Variants in TOX2 observed in about 807,000 individuals in gnomAD.
TOX2 encodes TOX high mobility group box family member 2.
TOX2 carries 15 observed loss-of-function variants against 47.4 expected under a neutral mutation model. The ratio of observed to expected loss-of-function variants is 0.32; its 90% CI spans 0.21 to 0.49. TOX2 has a LOEUF of 0.49. TOX2 is among the 20% of genes least tolerant of loss of function. TOX2 has a pLI of 0.99. For missense variants in TOX2, 622 were observed against 673.1 expected (o/e 0.92, Z 0.84); for synonymous variants, 290 against 296.6 (o/e 0.98, Z 0.23).
chr20:43,969,701 G>A (rs1183820610), intron 1 of TOX2, among the ~76,000 whole-genome samples: 2 of 152,250 alleles, frequency 1.3e-5, no homozygotes, highest in Non-Finnish European at 2.9e-5. Flanking sequence ...AGCTGGTTCT[G>A]AGCCCAGCAG....
intron 3 of TOX2, among the ~76,000 whole-genome samples, chr20:44,023,558 A>T (rs954475991): frequency 2.6e-5 from 4 of 151,958 alleles, no homozygotes; most frequent in Admixed American, 2.6e-4. Context: ...GCCAATGGGG[A>T]GTCCTCAAAC....
intron 1 of TOX2, among the ~76,000 whole-genome samples, chr20:43,952,116 T>C (rs906951344): frequency 2.6e-4 from 40 of 151,984 alleles, no homozygotes; most frequent in Non-Finnish European, 3.2e-4. Flanking sequence ...TTAGCCAGGA[T>C]GGTCTCGATC....
rs185748006 is a variant in TOX2, at chr20:43,994,066, G to A, written c.166-12481G>A. Among the ~76,000 whole-genome samples, 7 of 152,176 alleles carry A rather than the reference G, an allele frequency of 4.6e-5. No homozygotes were observed. The East Asian group carries it at 1.2e-3, about 25-fold the overall frequency. ...CCTTGGGTGTCTCAGGTGGAAGATC[G>A]CTTGAATCCGGGAGATTGAGGCTGC... On this transcript the variant is annotated intron_variant, in intron 2 of 8. Transcript: ENST00000341197.
At chr20:44,023,433 A>G (rs868860104) in intron 3 of TOX2, among the ~76,000 whole-genome samples, 3 of 149,348 alleles carry the variant, frequency 2.0e-5, no homozygotes, top group African/African-American at 4.9e-5. Flanking sequence ...TTATCTCAGA[A>G]AAAAAAAAAA....
intron 3 of TOX2, among the ~76,000 whole-genome samples, chr20:44,040,496 T>C (rs1180111500): frequency 2.0e-5 from 3 of 152,100 alleles, no homozygotes; most frequent in Non-Finnish European, 4.4e-5. Context: ...AGGAGGGTGA[T>C]ACTTTGGAGA....
intron 5 of TOX2, among the ~76,000 whole-genome samples, chr20:44,062,312 C>T (rs6103591): frequency 6.6e-6 from 1 of 151,616 alleles, no homozygotes; most frequent in Non-Finnish European, 1.5e-5. Flanking sequence ...ATCTGCTATA[C>T]ACCAACAGTG....
intron 2 of TOX2, among the ~76,000 whole-genome samples, chr20:44,004,466 G>A (rs895660756): frequency 6.6e-6 from 1 of 152,162 alleles, no homozygotes; most frequent in Non-Finnish European, 1.5e-5. Flanking sequence ...CCAGATGACT[G>A]TTTGCCCATC....
chr20:43,961,198 T>C (rs1372362579), intron 1 of TOX2, among the ~76,000 whole-genome samples: 2 of 152,054 alleles, frequency 1.3e-5, no homozygotes, highest in Non-Finnish European at 2.9e-5. Flanking sequence ...GCACAGGAGT[T>C]GAATGGGCAT....
At chr20:44,006,517 C>A (rs2070681703) in intron 2 of TOX2, 30 bp from the exon 3 acceptor site, 1 of 1,584,560 alleles carries the variant, frequency 6.3e-7, no homozygotes, top group Non-Finnish European at 8.6e-7. Flanking sequence ...AGGCACTGAC[C>A]CCCACCGACA....
intron 5 of TOX2, among the ~76,000 whole-genome samples, chr20:44,063,466 A>G (rs1174878015): frequency 6.6e-6 from 1 of 152,204 alleles, no homozygotes; most frequent in East Asian, 1.9e-4. Context: ...AGATGTTGGC[A>G]TGGATGTGGC....
At chr20:44,037,612 AT>A (rs1484830774) in intron 3 of TOX2, among the ~76,000 whole-genome samples, 1 of 152,044 alleles carries the variant, frequency 6.6e-6, no homozygotes, top group African/African-American at 2.4e-5. Context: ...TCCATCAAAG[AT>A]TTGTTGGTGA....
intron 1 of TOX2, among the ~76,000 whole-genome samples, chr20:43,972,626 G>A (rs2069995153): frequency 6.6e-6 from 1 of 152,260 alleles, no homozygotes. Flanking sequence ...TTTAACAGAT[G>A]AGGAATCTCA....
chr20:43,951,707 G>GGTTTGTTTTTT (rs745489872), intron 1 of TOX2, among the ~76,000 whole-genome samples: 2 of 55,098 alleles, frequency 3.6e-5, no homozygotes, highest in African/African-American at 1.1e-4. Context: ...AACTTATTAT[G>GGTTTGTTTTTT]TTTTTTTTTT....
chr20:44,041,447 A>C (rs1170015410), intron 3 of TOX2, among the ~76,000 whole-genome samples: 1 of 152,186 alleles, frequency 6.6e-6, no homozygotes, highest in African/African-American at 2.4e-5. Flanking sequence ...GTTAGGACAA[A>C]GTTTTTTAAA....
intron 1 of TOX2, among the ~76,000 whole-genome samples, chr20:43,966,765 A>AG (rs1286337277): frequency 6.6e-6 from 1 of 151,584 alleles, no homozygotes; most frequent in Non-Finnish European, 1.5e-5. Context: ...AAAAAAAAAA[A>AG]AAAAAGTGGG....
At position 44,054,546 on chromosome 20, in the gene TOX2, T is replaced by G. The variant is rs376544017; in HGVS notation, c.879+20T>G. On this transcript the variant is annotated intron_variant, in intron 5 of 8. Coordinates refer to ENST00000341197, the MANE Select transcript of TOX2 (RefSeq NM_001098797.2). ...AAGCAGGTGAGCCTCCCTCTCTTTCTGGGCCATCCCCTGAGGCTTTGTGGT... is the reference window on the plus strand; with the variant it reads ...AAGCAGGTGAGCCTCCCTCTCTTTCGGGGCCATCCCCTGAGGCTTTGTGGT... The G allele has an allele frequency of 1.9e-6, 3 of 1,608,092 alleles. No homozygotes were observed. The African/African-American group carries it at 4.0e-5, about 22-fold the overall frequency.
chr20:44,028,285 T>G (rs1600755683), intron 3 of TOX2, among the ~76,000 whole-genome samples: 1 of 148,966 alleles, frequency 6.7e-6, no homozygotes, highest in African/African-American at 2.5e-5. Flanking sequence ...CCAGAGGGGG[T>G]GCTGTGGCTG....
rs576848225 is a variant in TOX2, at chr20:44,057,098, G to GTATT, written c.879+2574_879+2577dup. On this transcript the variant is annotated intron_variant, in intron 5 of 8. Coordinates refer to ENST00000341197, the MANE Select transcript of TOX2 (RefSeq NM_001098797.2). ...CCCACAAAATTTTTTCTTTTTTTTG[G>GTATT]TATTTTGTAGAGACAGGGTCTTGCT... Among the ~76,000 whole-genome samples, 844 of 152,000 alleles carry GTATT rather than the reference G, an allele frequency of 5.6e-3. 11 individuals carry two copies. Among genetic ancestry groups the GTATT allele is most frequent in the African/African-American group, 0.019 (807 of 41,462 alleles).
chr20:43,978,763 TTGTGTGTGTGTG>T (rs9305120), intron 2 of TOX2, among the ~76,000 whole-genome samples: 45 of 146,600 alleles, frequency 3.1e-4, no homozygotes, highest in African/African-American at 1.0e-3. Context: ...TTGAAAGAAC[TTGTGTGTGTGTG>T]TGTGTGTGTG....
Sources: allele counts gnomAD v4.1 joint callset (sites outside exome capture counted in the v4.1 genomes callset), GRCh38; gene constraint gnomAD v4.1.1; transcripts MANE v1.5; gene names NCBI Gene and HGNC (gene_info 2026-07-23, HGNC 2026-07-21).